CHD2: variants seen among roughly 807,000 people sequenced by gnomAD.
CHD2 encodes ATP-dependent chromatin remodeler CHD2.
CHD2 carries 28 observed loss-of-function variants against 243.9 expected under a neutral mutation model. The observed-to-expected ratio is 0.11, with a 90% CI of 0.09 to 0.16. The LOEUF is 0.16. Among genes scored for constraint, CHD2 ranks in the 10% least tolerant of loss-of-function variants. CHD2 has a pLI of 1.00. For missense variants in CHD2, 1,386 were observed against 2,209.8 expected, an observed-to-expected ratio of 0.63 and a Z score of 7.47; for synonymous variants, 775 against 779.0, an observed-to-expected ratio of 0.99 and a Z score of 0.09.
At chr15:92,947,227 A>G (rs1051907847) in intron 12 of CHD2, 18 of 152,296 alleles carry the variant, frequency 1.2e-4, no homozygotes, top group African/African-American at 2.9e-4. Flanking sequence ...AGAAGCACCA[A>G]TGTAGAAGTC....
chr15:93,024,813 C>CT lies in CHD2; in HGVS notation c.*109dup. The CT allele has an allele frequency of 3.2e-6, 3 of 923,472 alleles. No homozygotes were observed. The highest frequency in any genetic ancestry group is 4.8e-6 in the Non-Finnish European group (3 of 621,710). The allele number at this position is 923,472 out of a possible 1,614,324, so 57.2% of individuals were successfully genotyped here. ...ACCAGTAAGTGGAGTTTTGGACATG[C>CT]TGCTGCTGTCAACTCACTGGCTGAA... On this transcript the variant is annotated 3_prime_UTR_variant, in exon 39 of 39. Coordinates refer to ENST00000394196, the MANE Select transcript of CHD2 (RefSeq NM_001271.4).
At chr15:92,931,728 C>T (rs1567130249) in intron 5 of CHD2, among the ~76,000 whole-genome samples, 1 of 152,016 alleles carries the variant, frequency 6.6e-6, no homozygotes, top group Non-Finnish European at 1.5e-5. Flanking sequence ...CTATTTGAGA[C>T]TAAAATTCAT....
chr15:93,017,533 G>A (rs1308512659), intron 37 of CHD2, among the ~76,000 whole-genome samples: 3 of 116,700 alleles, frequency 2.6e-5, no homozygotes, highest in Non-Finnish European at 4.9e-5. Context: ...TTTTTGTACA[G>A]ACAGGGTCTC....
chr15:92,998,383 T>G lies in CHD2; in HGVS notation c.3886-116T>G. 6.8e-7 allele frequency: 1 copy of G among 1,477,730 alleles called. No individual in the cohort carries two copies. Among genetic ancestry groups the G allele is most frequent in the East Asian group, 2.3e-5 (1 of 42,950 alleles). 91.5% of individuals were successfully genotyped at this position (1,477,730 alleles called of 1,614,324 possible). ...GATAGGATCTGAGGCTTTATCTATA[T>G]TTTGGGTGGTTGGGGAGGGAAAGGA... On this transcript the variant is annotated intron_variant, in intron 30 of 38. Transcript: ENST00000394196. This position sits in a 1 kb window ranked among gnomAD's most constrained non-coding sequence, Gnocchi z 5.1.
chr15:93,016,573 A>T (rs1376219884), intron 37 of CHD2, among the ~76,000 whole-genome samples: 1 of 152,128 alleles, frequency 6.6e-6, no homozygotes, highest in East Asian at 1.9e-4. Context: ...ACAATTTTTA[A>T]TTGTCTATTA....
Position 92,967,574 on chromosome 15 carries a change from T to C in CHD2, c.2189+61T>C, listed in dbSNP as rs563321679. On this transcript the variant is annotated intron_variant, in intron 17 of 38. Transcript: ENST00000394196. ...AGATCAGTACCATGAAACTATTAGA[T>C]AGGAGATATATATATATACTTTTGT... is the stretch of plus-strand genomic sequence containing the variant. 1.0e-4 allele frequency: 131 copies of C among 1,248,186 alleles called. 3 individuals carry two copies. In the South Asian group the frequency reaches 1.7e-3, roughly 17 times the overall value. The allele number at this position is 1,248,186 out of a possible 1,614,324, so 77.3% of individuals were successfully genotyped here.
intron 2 of CHD2, among the ~76,000 whole-genome samples, chr15:92,914,081 A>G (rs1362280410): frequency 6.6e-6 from 1 of 152,232 alleles, no homozygotes; most frequent in African/African-American, 2.4e-5. Flanking sequence ...TATATTTTAT[A>G]AAAGTCTAAA....
At chr15:92,937,409 T>C (rs1395919178) in intron 5 of CHD2, 109 bp from the exon 6 acceptor site, 3 of 701,004 alleles carry the variant, frequency 4.3e-6, no homozygotes, top group South Asian at 1.9e-5. Context: ...ATGTCTAAAA[T>C]GTGCATGTTC....
chr15:92,905,382 A>G (rs2052601509), intron 2 of CHD2, among the ~76,000 whole-genome samples: 1 of 152,194 alleles, frequency 6.6e-6, no homozygotes, highest in Non-Finnish European at 1.5e-5. Context: ...CTTAATAATT[A>G]AATTACACAT....
intron 2 of CHD2, chr15:92,902,840 T>C (rs907530204): frequency 6.6e-6 from 1 of 152,234 alleles, no homozygotes; most frequent in Non-Finnish European, 1.5e-5. Context: ...GGGTTTTGGC[T>C]CTCTTATGCA....
intron 2 of CHD2, among the ~76,000 whole-genome samples, chr15:92,905,214 G>A (rs2052598233): frequency 6.6e-6 from 1 of 152,148 alleles, no homozygotes; most frequent in Non-Finnish European, 1.5e-5. Context: ...GGCTGATAGT[G>A]GGGTCACTTG....
Position 92,903,168 on chromosome 15 carries a change from C to CAT in CHD2, c.62+1870_62+1871dup, listed in dbSNP as rs2052554635. ...TCTTAATACATGTACATAATTATGA[C>CAT]ATCACTTCCTTTTAAAATGTGCAGC... On this transcript the variant is annotated intron_variant, in intron 2 of 38. Coordinates refer to ENST00000394196, the MANE Select transcript of CHD2 (RefSeq NM_001271.4). Among the ~76,000 whole-genome samples, 10 of 152,280 alleles carry CAT rather than the reference C, an allele frequency of 6.6e-5. No homozygotes were observed. In the South Asian group the frequency reaches 1.9e-3, roughly 28 times the overall value.
chr15:92,955,093 C>G (rs1403797332), intron 14 of CHD2, among the ~76,000 whole-genome samples: 2 of 151,886 alleles, frequency 1.3e-5, no homozygotes, highest in South Asian at 4.1e-4. Flanking sequence ...AAAGAAATTT[C>G]TAAGGATCTG....
At chr15:92,903,432 C>T (rs1012237712) in intron 2 of CHD2, among the ~76,000 whole-genome samples, 1 of 152,156 alleles carries the variant, frequency 6.6e-6, no homozygotes, top group African/African-American at 2.4e-5. Context: ...AGAATGAGTG[C>T]AAGTTTAGGT....
chr15:93,020,526 G>C (rs2054521898), intron 38 of CHD2: 1 of 593,014 alleles, frequency 1.7e-6, no homozygotes, highest in Non-Finnish European at 3.0e-6. Context: ...AAATATTAGA[G>C]TCAACAACCA....
At chr15:92,988,695 T>G (rs1310948126) in intron 26 of CHD2, among the ~76,000 whole-genome samples, 1 of 152,190 alleles carries the variant, frequency 6.6e-6, no homozygotes, top group Non-Finnish European at 1.5e-5. Context: ...AATTGGCCTA[T>G]CTTCAGATTT....
intron 2 of CHD2, among the ~76,000 whole-genome samples, chr15:92,906,001 GTTAA>G (rs1198534701): frequency 6.6e-6 from 1 of 152,162 alleles, no homozygotes; most frequent in Non-Finnish European, 1.5e-5. Context: ...CAACATTGCA[GTTAA>G]TTATTTTTGA....
chr15:92,940,924 ATAAATATATAT>A (rs2141782028), intron 7 of CHD2, among the ~76,000 whole-genome samples: 1 of 140,020 alleles, frequency 7.1e-6, no homozygotes, highest in South Asian at 2.1e-4. Context: ...AAATATACAT[ATAAATATATAT>A]AAAATATATA....
chr15:92,918,637 CCT>C (rs1489683979), intron 2 of CHD2, among the ~76,000 whole-genome samples: 9 of 152,006 alleles, frequency 5.9e-5, no homozygotes, highest in African/African-American at 2.2e-4. Flanking sequence ...CTTTCTGCCT[CCT>C]CTACTAAACC....
Sources: gnomAD v4.1 joint callset for allele counts (sites outside exome capture counted in the v4.1 genomes callset) on GRCh38, gnomAD v4.1.1 for gene constraint, Gnocchi (gnomAD v3.1) non-coding constraint, MANE v1.5 for transcripts, NCBI Gene and HGNC (gene_info 2026-07-23, HGNC 2026-07-21) for gene names.